The following SLMAP variants were observed in gnomAD, a reference collection of about 807,000 sequenced individuals.
The protein encoded by SLMAP is sarcolemmal membrane-associated protein.
In SLMAP, 44 loss-of-function variants were observed where a neutral mutation model predicts 128.8. The ratio of observed to expected loss-of-function variants is 0.34; its 90% CI spans 0.27 to 0.44. The LOEUF is 0.44. Among genes scored for constraint, SLMAP ranks in the 20% least tolerant of loss-of-function variants. The pLI is 1.00. For missense variants in SLMAP, 787 were observed against 985.3 expected, an observed-to-expected ratio of 0.80 and a Z score of 2.69; for synonymous variants, 327 against 348.8, an observed-to-expected ratio of 0.94 and a Z score of 0.70.
At chr3:57,788,424 G>T (rs1486529391) in intron 2 of SLMAP, among the ~76,000 whole-genome samples, 1 of 152,228 alleles carries the variant, frequency 6.6e-6, no homozygotes, top group Non-Finnish European at 1.5e-5. Context: ...AGGACAGTTA[G>T]AGGTAAATTC....
At chr3:57,869,281 G>C (rs1011236935) in intron 13 of SLMAP, among the ~76,000 whole-genome samples, 2 of 151,068 alleles carry the variant, frequency 1.3e-5, no homozygotes, top group Admixed American at 6.6e-5. Context: ...TATTCTAGCT[G>C]CACTGGCAGC....
intron 23 of SLMAP, among the ~76,000 whole-genome samples, chr3:57,924,584 C>G (rs1015066735): frequency 1.1e-4 from 16 of 152,038 alleles, no homozygotes; most frequent in Admixed American, 1.0e-3. Flanking sequence ...TCAGGCTGGT[C>G]TTGAACTCCC....
Position 57,781,022 on chromosome 3 carries a change from A to G in SLMAP, c.198+23173A>G, listed in dbSNP as rs530008013. On this transcript the variant is annotated intron_variant, in intron 2 of 24. Coordinates refer to ENST00000671191, the MANE Select transcript of SLMAP (RefSeq NM_001377540.1). ...TATGCACATATATATATACATATAT[A>G]TACACACACATATATATGCGCATAT... is the stretch of plus-strand genomic sequence containing the variant. Among the ~76,000 whole-genome samples the G allele has an allele frequency of 1.8e-4, 28 of 151,944 alleles. No individual in the cohort carries two copies. In the South Asian group the frequency reaches 5.8e-3, roughly 32 times the overall value.
In SLMAP at chr3:57,831,482, G is replaced by C; in HGVS notation, c.298G>C (p.Gly100Arg). 1 of 1,594,708 alleles carries C rather than the reference G, an allele frequency of 6.3e-7. No individual in the cohort carries two copies. Among genetic ancestry groups the C allele is most frequent in the South Asian group, 1.1e-5 (1 of 87,832 alleles). Residue 100 changes from glycine to arginine, a missense_variant, in exon 3 of 25, where the codon GGT (glycine) becomes CGT (arginine). Gly to Arg is a moderately radical substitution (Grantham distance 125). Transcript: ENST00000671191. ...AAGTCCACCATGTGAAATTCTTTCC[G>C]GTGACATTATCCAGTTTGGAGTAGA... ...EESPPCEILS[G>R]DIIQFGVDVT...
At chr3:57,887,469 C>G (rs1403975391) in intron 14 of SLMAP, among the ~76,000 whole-genome samples, 1 of 152,124 alleles carries the variant, frequency 6.6e-6, no homozygotes, top group East Asian at 1.9e-4. Flanking sequence ...ACCTCGGCCT[C>G]CCAAAGTGCT....
intron 19 of SLMAP, among the ~76,000 whole-genome samples, chr3:57,910,356 G>C (rs1187530223): frequency 6.6e-6 from 1 of 151,892 alleles, no homozygotes. Flanking sequence ...GCTAATTTTT[G>C]TATTTTTAGC....
At chr3:57,794,072 A>T (rs1245009849) in intron 2 of SLMAP, among the ~76,000 whole-genome samples, 2 of 152,130 alleles carry the variant, frequency 1.3e-5, no homozygotes, top group Non-Finnish European at 2.9e-5. Flanking sequence ...CCCTTTCTTA[A>T]AAACAAAAAA....
At chr3:57,791,654 T>A (rs1402155107) in intron 2 of SLMAP, among the ~76,000 whole-genome samples, 1 of 152,174 alleles carries the variant, frequency 6.6e-6, no homozygotes, top group African/African-American at 2.4e-5. Flanking sequence ...TCAAATAAAT[T>A]TCTATTTCAA....
At chr3:57,772,279 G>GC (rs1437731078) in intron 2 of SLMAP, among the ~76,000 whole-genome samples, 1 of 152,214 alleles carries the variant, frequency 6.6e-6, no homozygotes, top group Admixed American at 6.5e-5. Context: ...CAGTCAGGAG[G>GC]CAGTTGAGTC....
intron 2 of SLMAP, among the ~76,000 whole-genome samples, chr3:57,816,698 G>A (rs545871371): frequency 6.6e-6 from 1 of 152,346 alleles, no homozygotes; most frequent in African/African-American, 2.4e-5. Context: ...AGAGATGTGA[G>A]AGTTAGCTGC....
Position 57,927,329 on chromosome 3 carries a change from C to G in SLMAP, c.*40C>G. The stretch of plus-strand genomic sequence containing the variant: ...GCCCTGGATGCCCATGTTGGCTGCC[C>G]TGGTTGCAGTAACAGCCATCGTGCT... On this transcript the variant is annotated 3_prime_UTR_variant, in exon 25 of 25. Coordinates refer to ENST00000671191, the MANE Select transcript of SLMAP (RefSeq NM_001377540.1). The G allele has an allele frequency of 6.2e-7, 1 of 1,607,802 alleles. No individual in the cohort carries two copies. Among genetic ancestry groups the G allele is most frequent in the Non-Finnish European group, 8.5e-7 (1 of 1,175,878 alleles).
intron 21 of SLMAP, among the ~76,000 whole-genome samples, chr3:57,914,601 A>G (rs972967601): frequency 2.0e-5 from 3 of 150,196 alleles, no homozygotes; most frequent in Non-Finnish European, 4.4e-5. Context: ...TTTTTTTTTG[A>G]GACGGAGTTT....
At chr3:57,920,292 C>A (rs1477282521) in intron 22 of SLMAP, among the ~76,000 whole-genome samples, 7 of 152,182 alleles carry the variant, frequency 4.6e-5, no homozygotes, top group Non-Finnish European at 8.8e-5. Context: ...TTATTTCATT[C>A]TCTGGCATAC....
intron 13 of SLMAP, among the ~76,000 whole-genome samples, chr3:57,867,318 C>T (rs1189610418): frequency 6.6e-6 from 1 of 152,178 alleles, no homozygotes; most frequent in Admixed American, 6.6e-5. Context: ...ATGGAACCAT[C>T]TTTATACTAT....
At chr3:57,916,567 CAT>C (rs1013577570) in intron 21 of SLMAP, among the ~76,000 whole-genome samples, 24 of 151,212 alleles carry the variant, frequency 1.6e-4, no homozygotes, top group South Asian at 4.2e-4. Context: ...ATTGTTGAAA[CAT>C]GTGTGTTCTT....
At chr3:57,790,331 TCTTA>T (rs1285218625) in intron 2 of SLMAP, among the ~76,000 whole-genome samples, 2 of 152,220 alleles carry the variant, frequency 1.3e-5, no homozygotes, top group East Asian at 3.8e-4. Flanking sequence ...GAAGAATGAT[TCTTA>T]CTTTACATTT....
intron 2 of SLMAP, among the ~76,000 whole-genome samples, chr3:57,760,792 A>G (rs1399192209): frequency 1.3e-5 from 2 of 151,358 alleles, no homozygotes; most frequent in African/African-American, 4.9e-5. Context: ...CAATGGCGCG[A>G]TCTTGGCTCA....
intron 14 of SLMAP, among the ~76,000 whole-genome samples, chr3:57,884,209 G>T (rs1030242506): frequency 6.6e-6 from 1 of 152,122 alleles, no homozygotes; most frequent in Non-Finnish European, 1.5e-5. Flanking sequence ...GATTATAGGC[G>T]TGAGCCACCA....
intron 5 of SLMAP, among the ~76,000 whole-genome samples, 173 bp downstream of exon 5, chr3:57,847,406 A>G (rs1480320664): frequency 6.6e-6 from 1 of 152,228 alleles, no homozygotes; most frequent in Non-Finnish European, 1.5e-5. Flanking sequence ...TGGAGAATCT[A>G]AGATGGATGT....
Sources: gnomAD v4.1 joint callset for allele counts (sites outside exome capture counted in the v4.1 genomes callset) on GRCh38, gnomAD v4.1.1 for gene constraint, MANE v1.5 for transcripts, NCBI Gene and HGNC (gene_info 2026-07-23, HGNC 2026-07-21) for gene names.